PDPK1: variants seen among roughly 807,000 people sequenced by gnomAD.
PDPK1 encodes the protein 3-phosphoinositide-dependent protein kinase 1.
A neutral mutation model predicts 39.8 loss-of-function variants in PDPK1; 7 were observed. The observed-to-expected ratio is 0.18, with a 90% CI of 0.10 to 0.33. The LOEUF (loss-of-function observed/expected upper bound fraction) is 0.33, where lower values mean the gene tolerates loss of function less well. PDPK1 is among the 10% of genes least tolerant of loss of function. The pLI, the probability that PDPK1 is intolerant of heterozygous loss-of-function variation, is 1.00. For missense variants in PDPK1, 182 were observed against 384.7 expected (o/e 0.47, Z 4.41); for synonymous variants, 118 against 159.1 (o/e 0.74, Z 1.95).
chr16:2,586,819 C>T lies in PDPK1; in HGVS notation c.1269C>T (p.Ser423=), dbSNP rs2141993601. Reference sequence around the variant, plus strand: ...ACATTCACGATCTGGACTCGAACTCCTTTGAACTGGACTTACAGTTTTCCG... The same window carrying T: ...ACATTCACGATCTGGACTCGAACTCTTTTGAACTGGACTTACAGTTTTCCG... The part of the protein sequence containing the change: ...EQYIHDLDSN[S]FELDLQFSED... The change falls in exon 11 of 14, where the codon TCC becomes TCT. Residue 423 remains serine, a synonymous_variant. Coordinates refer to ENST00000342085, the MANE Select transcript of PDPK1 (RefSeq NM_002613.5). 1 of 1,614,252 alleles carries T rather than the reference C, an allele frequency of 6.2e-7. No individual in the cohort carries two copies. The highest frequency in any genetic ancestry group is 8.5e-7 in the Non-Finnish European group (1 of 1,180,040).
chr16:2,551,394 G>T (rs2066404793), intron 1 of PDPK1, among the ~76,000 whole-genome samples: 1 of 151,550 alleles, frequency 6.6e-6, no homozygotes, highest in Non-Finnish European at 1.5e-5. Flanking sequence ...TGACCTGAGG[G>T]CAGGATCCCT....
intron 1 of PDPK1, among the ~76,000 whole-genome samples, chr16:2,541,838 A>G (rs1196436724): frequency 2.0e-5 from 3 of 151,918 alleles, no homozygotes; most frequent in African/African-American, 7.3e-5. Flanking sequence ...AATATTGAGA[A>G]CAGGTTGTAT....
rs1370031799 is a variant in PDPK1 at position 2,577,660 on chromosome 16, G to A, written c.785+160G>A. On this transcript the variant is annotated intron_variant, in intron 7 of 13. Transcript: ENST00000342085. ...TTTCCGTGGCGTACACACACGTGAT[G>A]CGTTAGTGTTGTGTTCTAAGCTTCC... 4.7e-5 allele frequency among the ~76,000 whole-genome samples: 7 copies of A among 149,218 alleles called. 2 individuals carry two copies. In the East Asian group the frequency reaches 1.4e-3, roughly 30 times the overall value.
intron 1 of PDPK1, chr16:2,538,544 C>T (rs1467749809): frequency 8.0e-6 from 8 of 998,220 alleles, no homozygotes; most frequent in Middle Eastern, 6.0e-4. Context: ...GTCCTTGGCG[C>T]CTCCGCCTGC....
chr16:2,585,844 G>C (rs2066861625), intron 10 of PDPK1, among the ~76,000 whole-genome samples: 4 of 152,340 alleles, frequency 2.6e-5, no homozygotes, highest in African/African-American at 9.6e-5. Context: ...AGCAGCCAGG[G>C]CCTGCGTCTG....
intron 11 of PDPK1, among the ~76,000 whole-genome samples, chr16:2,587,795 AC>A (rs765770167): frequency 6.6e-6 from 1 of 152,198 alleles, no homozygotes; most frequent in Non-Finnish European, 1.5e-5. Flanking sequence ...TGTTTTGCAA[AC>A]ATTCTTCAGT....
intron 1 of PDPK1, among the ~76,000 whole-genome samples, chr16:2,547,209 T>G (rs1372948692): frequency 1.3e-5 from 2 of 149,560 alleles, no homozygotes; most frequent in African/African-American, 5.1e-5. Flanking sequence ...TGACGGCTGC[T>G]CATTTCCCCC....
At chr16:2,592,108 G>A (rs573410746) in intron 11 of PDPK1, among the ~76,000 whole-genome samples, 5 of 152,356 alleles carry the variant, frequency 3.3e-5, no homozygotes, top group Admixed American at 1.3e-4. Context: ...TCTCCTGGGC[G>A]TGGCAGGTGC....
At chr16:2,595,917 A>T in intron 12 of PDPK1, 67 bp downstream of exon 12, 3 of 1,202,728 alleles carry the variant, frequency 2.5e-6, no homozygotes, top group South Asian at 1.2e-5. Flanking sequence ...AGCTTAGGGG[A>T]GGGCAGCTTG....
Position 2,597,379 on chromosome 16 carries a change from G to C in PDPK1, c.1554+104G>C. ...GGCCAGAGGGAGCAGCGGGGATCGG[G>C]GCAGCTGCCTCGCCCTTTCCGACAT... On this transcript the variant is annotated intron_variant, in intron 13 of 13. Transcript: ENST00000342085. The surrounding 1 kb of genome is among the most constrained non-coding windows in gnomAD (Gnocchi z 6.3). 1 of 1,060,866 alleles carries C rather than the reference G, an allele frequency of 9.4e-7. No homozygotes were observed. The highest frequency in any genetic ancestry group is 1.4e-6 in the Non-Finnish European group (1 of 720,488). 65.7% of individuals were successfully genotyped at this position (1,060,866 alleles called of 1,614,324 possible). A position where few individuals can be genotyped will look rare whatever the true frequency, so the allele number is the denominator to read the frequency against.
At position 2,601,519 on chromosome 16, in the gene PDPK1, C is replaced by A; in HGVS notation, c.*3752C>A. 1 of 234,582 alleles carries A rather than the reference C, an allele frequency of 4.3e-6. No individual in the cohort carries two copies. The highest frequency in any genetic ancestry group is 8.5e-6 in the Non-Finnish European group (1 of 117,900). 14.5% of individuals were successfully genotyped at this position (234,582 alleles called of 1,614,324 possible). Reference sequence around the variant, plus strand: ...GGTACTGAATTTGCATCTGCACAGTCAGCAGAGATAACAAGTGTTGAACTG... The same window carrying A: ...GGTACTGAATTTGCATCTGCACAGTAAGCAGAGATAACAAGTGTTGAACTG... On this transcript the variant is annotated 3_prime_UTR_variant, in exon 14 of 14. Coordinates refer to ENST00000342085, the MANE Select transcript of PDPK1 (RefSeq NM_002613.5).
At chr16:2,592,406 C>A in intron 11 of PDPK1, 1 of 271,546 alleles carries the variant, frequency 3.7e-6, no homozygotes, top group Non-Finnish European at 7.2e-6. Flanking sequence ...TCTTGCCCAG[C>A]CTCCCAGGGA....
intron 1 of PDPK1, among the ~76,000 whole-genome samples, chr16:2,544,515 C>T (rs1458988937): frequency 1.3e-5 from 2 of 152,212 alleles, no homozygotes; most frequent in Non-Finnish European, 2.9e-5. Flanking sequence ...TATCCCTAGC[C>T]TTTTCACCTG....
intron 1 of PDPK1, among the ~76,000 whole-genome samples, chr16:2,543,434 T>G (rs933083569): frequency 2.0e-5 from 2 of 102,002 alleles, no homozygotes; most frequent in Admixed American, 1.1e-4. Flanking sequence ...GAGGGAGGGC[T>G]CCAAGGACTT....
chr16:2,598,555 C>T lies in PDPK1; in HGVS notation c.*788C>T, dbSNP rs138049982. 1.3e-3 allele frequency: 314 copies of T among 233,478 alleles called. 3 individuals are homozygous for T. Among genetic ancestry groups the T allele is most frequent in the African/African-American group, 6.3e-3 (285 of 45,470 alleles). 14.5% of individuals were successfully genotyped at this position (233,478 alleles called of 1,614,324 possible). On this transcript the variant is annotated 3_prime_UTR_variant, in exon 14 of 14. Coordinates refer to ENST00000342085, the MANE Select transcript of PDPK1 (RefSeq NM_002613.5). ...AGCCGAGCGCATGCTGGGAGCGGTA[C>T]TGTCAGAAGTGAGCCCAGTTAGTAC...
At chr16:2,542,712 G>A (rs1215877691) in intron 1 of PDPK1, among the ~76,000 whole-genome samples, 1 of 152,244 alleles carries the variant, frequency 6.6e-6, no homozygotes, top group East Asian at 1.9e-4. Context: ...CACCGTGCTG[G>A]GACCGGCCCA....
chr16:2,601,381 A>G lies in PDPK1; in HGVS notation c.*3614A>G, dbSNP rs1475822573. ...TGTGGCCGATTTTTTCCAAGAGCCA[A>G]TTTCCTTGTTTTGGTTGCAAGAACC... On this transcript the variant is annotated 3_prime_UTR_variant, in exon 14 of 14. Transcript: ENST00000342085. 2 of 234,542 alleles carry G rather than the reference A, an allele frequency of 8.5e-6. No homozygotes were observed. The highest frequency in any genetic ancestry group is 4.4e-5 in the African/African-American group (2 of 45,322). 14.5% of individuals were successfully genotyped at this position (234,542 alleles called of 1,614,324 possible). A position where few individuals can be genotyped will look rare whatever the true frequency, so the allele number is the denominator to read the frequency against.
rs1037770118 is a variant in PDPK1 at position 2,598,325 on chromosome 16, C to A, written c.*558C>A. ...TTTCTTGCGTCTCCCTGTGATGGGC[C>A]CTTAGGCCTGGCTGGGCCCATTACA... On this transcript the variant is annotated 3_prime_UTR_variant, in exon 14 of 14. Coordinates refer to ENST00000342085, the MANE Select transcript of PDPK1 (RefSeq NM_002613.5). 1 of 233,678 alleles carries A rather than the reference C, an allele frequency of 4.3e-6. No individual in the cohort carries two copies. The highest frequency in any genetic ancestry group is 2.2e-5 in the African/African-American group (1 of 45,360). 14.5% of individuals were successfully genotyped at this position (233,678 alleles called of 1,614,324 possible). A position where few individuals can be genotyped will look rare whatever the true frequency, so the allele number is the denominator to read the frequency against.
At chr16:2,592,204 G>A (rs562764278) in intron 11 of PDPK1, among the ~76,000 whole-genome samples, 89 of 152,322 alleles carry the variant, frequency 5.8e-4, no homozygotes, top group African/African-American at 2.1e-3. Flanking sequence ...GCAAGAACCT[G>A]CGCTTTGGCA....
Sources: allele counts gnomAD v4.1 joint callset (sites outside exome capture counted in the v4.1 genomes callset), GRCh38; gene constraint gnomAD v4.1.1; non-coding constraint Gnocchi (gnomAD v3.1); transcripts MANE v1.5; gene names NCBI Gene and HGNC (gene_info 2026-07-23, HGNC 2026-07-21).